Variants in CMIP observed in about 807,000 individuals in gnomAD.
CMIP encodes the protein c-Maf inducing protein.
Under a neutral mutation model 97.3 loss-of-function variants are expected in CMIP, and 13 were observed. The observed-to-expected ratio is 0.13, with a 90% CI of 0.09 to 0.21. The LOEUF is 0.21. Ranked by LOEUF, CMIP falls within the 10% of genes least tolerant of loss-of-function variation. CMIP has a pLI of 1.00. For synonymous variants in CMIP, 538 were observed against 436.3 expected, an observed-to-expected ratio of 1.23 and a Z score of -2.91; for missense variants, 847 against 1,024.9, an observed-to-expected ratio of 0.83 and a Z score of 2.37.
At chr16:81,539,318 CT>C (rs2090404756) in intron 1 of CMIP, among the ~76,000 whole-genome samples, 1 of 152,122 alleles carries the variant, frequency 6.6e-6, no homozygotes, top group South Asian at 2.1e-4. Flanking sequence ...ACCAGGCGTC[CT>C]TGGGGGTGGA....
chr16:81,640,068 G>A (rs936257458), intron 3 of CMIP, among the ~76,000 whole-genome samples: 7 of 152,122 alleles, frequency 4.6e-5, no homozygotes, highest in South Asian at 2.1e-4. Context: ...CCATGCTGAC[G>A]TCCCTACCCG....
At chr16:81,560,963 C>CT (rs896196221) in intron 1 of CMIP, among the ~76,000 whole-genome samples, 10 of 152,024 alleles carry the variant, frequency 6.6e-5, no homozygotes, top group Non-Finnish European at 1.3e-4. Flanking sequence ...AGATGCATGA[C>CT]TTTTTTTTCT....
At chr16:81,664,724 T>C (rs543858990) in intron 7 of CMIP, 10 of 423,166 alleles carry the variant, frequency 2.4e-5, no homozygotes, top group African/African-American at 2.0e-4. Flanking sequence ...CAGAGAGCAC[T>C]GTATGGAAGG....
intron 1 of CMIP, among the ~76,000 whole-genome samples, chr16:81,560,192 GTTTTGTTTTGTTTTGT>G (rs1205134323): frequency 1.6e-5 from 2 of 123,400 alleles, no homozygotes; most frequent in East Asian, 2.0e-4. Context: ...TGTTTTTTTG[GTTTTGTTTTGTTTTGT>G]TTTTGTTTTG....
rs1363376726 is a variant in CMIP at position 81,652,646 on chromosome 16, C to T, written c.639+282C>T. Among the ~76,000 whole-genome samples the T allele has an allele frequency of 1.3e-5, 2 of 152,192 alleles. No homozygotes were observed. The highest frequency in any genetic ancestry group is 2.9e-5 in the Non-Finnish European group (2 of 68,026). On this transcript the variant is annotated intron_variant, in intron 4 of 20. Coordinates refer to ENST00000537098, the MANE Select transcript of CMIP (RefSeq NM_198390.3). The surrounding 1 kb of genome is among the most constrained non-coding windows in gnomAD (Gnocchi z 5.2). ...GTAGTCCCATCCCCATCTCTGTCTTCCCCTAGCAGTGGCCCACATGAGCTC... is the reference window on the plus strand; with the variant it reads ...GTAGTCCCATCCCCATCTCTGTCTTTCCCTAGCAGTGGCCCACATGAGCTC...
chr16:81,676,370 G>T (rs1356565055), intron 9 of CMIP, among the ~76,000 whole-genome samples: 1 of 152,104 alleles, frequency 6.6e-6, no homozygotes, highest in Non-Finnish European at 1.5e-5. Flanking sequence ...CGTCCCCAGT[G>T]CTCTCGGTGG....
intron 10 of CMIP, 135 bp from the exon 11 acceptor site, chr16:81,691,640 A>T: frequency 1.4e-6 from 1 of 699,054 alleles, no homozygotes; most frequent in Non-Finnish European, 2.6e-6. Context: ...TGGAGGTGGA[A>T]GTGGGTGGAG....
intron 7 of CMIP, among the ~76,000 whole-genome samples, chr16:81,667,799 A>AGAGAGAGAGAGAGGGTGTGTGTGTGT: frequency 1.7e-5 from 1 of 58,096 alleles, no homozygotes. Flanking sequence ...AGAGAGAGAG[A>AGAGAGAGAGAGAGGGTGTGTGTGTGT]GTGTGTGTGT....
chr16:81,651,292 T>C (rs2151004980), intron 3 of CMIP: 1 of 283,044 alleles, frequency 3.5e-6, no homozygotes, highest in Non-Finnish European at 5.3e-6. Flanking sequence ...AGGGAGTGCT[T>C]GGCCCAGACC....
intron 1 of CMIP, among the ~76,000 whole-genome samples, chr16:81,584,719 C>T (rs2091352115): frequency 6.6e-6 from 1 of 152,332 alleles, no homozygotes; most frequent in Non-Finnish European, 1.5e-5. Flanking sequence ...ATCAACACAT[C>T]GTGAGATGCC....
At chr16:81,632,202 G>A (rs1227817150) in intron 3 of CMIP, among the ~76,000 whole-genome samples, 1 of 152,130 alleles carries the variant, frequency 6.6e-6, no homozygotes, top group Non-Finnish European at 1.5e-5. Context: ...TGTCCTGCCA[G>A]ATATCCCCTG....
chr16:81,608,414 T>C (rs1308179111), intron 2 of CMIP, among the ~76,000 whole-genome samples: 13 of 152,116 alleles, frequency 8.5e-5, no homozygotes, highest in Admixed American at 7.2e-4. Context: ...AATCTCACCA[T>C]GTGGTAGGAA....
At chr16:81,588,519 C>G (rs2150915338) in intron 1 of CMIP, among the ~76,000 whole-genome samples, 1 of 152,308 alleles carries the variant, frequency 6.6e-6, no homozygotes, top group East Asian at 1.9e-4. Flanking sequence ...AGCCCCAGTG[C>G]TTCTCCAGCA....
intron 1 of CMIP, among the ~76,000 whole-genome samples, chr16:81,531,678 G>C (rs1050125406): frequency 6.6e-6 from 1 of 152,194 alleles, no homozygotes; most frequent in African/African-American, 2.4e-5. Context: ...TGGAGAACTG[G>C]GTTCACTGGG....
intron 2 of CMIP, chr16:81,611,293 A>C (rs919809310): frequency 1.3e-5 from 2 of 152,178 alleles, no homozygotes; most frequent in Non-Finnish European, 2.9e-5. Context: ...TACTGCAGGC[A>C]CCTGAGCCCC....
intron 1 of CMIP, among the ~76,000 whole-genome samples, chr16:81,561,261 A>G (rs1451981169): frequency 6.6e-6 from 1 of 152,224 alleles, no homozygotes; most frequent in African/African-American, 2.4e-5. Context: ...GGCCATGACT[A>G]TAGATCACCT....
intron 1 of CMIP, among the ~76,000 whole-genome samples, chr16:81,549,682 C>G (rs762026299): frequency 6.6e-6 from 1 of 152,194 alleles, no homozygotes; most frequent in Non-Finnish European, 1.5e-5. Context: ...CTAAAGGACA[C>G]AGGCAGCAAG....
intron 3 of CMIP, chr16:81,645,591 T>C (rs1253598395): frequency 7.2e-6 from 11 of 1,536,020 alleles, no homozygotes; most frequent in Non-Finnish European, 9.6e-6. Context: ...ATGGCAAGTG[T>C]TGCCCAGGTA....
chr16:81,657,266 A>G lies in CMIP; in HGVS notation c.640-509A>G, dbSNP rs2092493991. Reference sequence around the variant, plus strand: ...CAGCTAAAACATCTCGGGCCCACTCACGGAACTTCATGTTCCTTGGGAACT... The same window carrying G: ...CAGCTAAAACATCTCGGGCCCACTCGCGGAACTTCATGTTCCTTGGGAACT... On this transcript the variant is annotated intron_variant, in intron 4 of 20. Coordinates refer to ENST00000537098, the MANE Select transcript of CMIP (RefSeq NM_198390.3). 3.3e-5 allele frequency among the ~76,000 whole-genome samples: 5 copies of G among 152,320 alleles called. No individual in the cohort carries two copies. The South Asian group carries it at 8.3e-4, about 25-fold the overall frequency.
Sources: gnomAD v4.1 joint callset for allele counts (sites outside exome capture counted in the v4.1 genomes callset) on GRCh38, gnomAD v4.1.1 for gene constraint, Gnocchi (gnomAD v3.1) non-coding constraint, MANE v1.5 for transcripts, NCBI Gene and HGNC (gene_info 2026-07-23, HGNC 2026-07-21) for gene names.